DPP10: variants seen among roughly 807,000 people sequenced by gnomAD.
The protein encoded by DPP10 is dipeptidyl peptidase like 10, also known as inactive dipeptidyl peptidase 10.
DPP10 carries 33 observed loss-of-function variants against 120.9 expected under a neutral mutation model. That is an observed-to-expected ratio of 0.27 (90% CI 0.21 to 0.37). The LOEUF is 0.37. DPP10 is among the 10% of genes least tolerant of loss of function. DPP10 has a pLI of 1.00. For missense variants in DPP10, 816 were observed against 942.8 expected (o/e 0.87, Z 1.76); for synonymous variants, 337 against 326.1 (o/e 1.03, Z -0.36).
intron 5 of DPP10, among the ~76,000 whole-genome samples, chr2:115,643,369 C>T (rs1366512716): frequency 2.0e-5 from 3 of 152,080 alleles, no homozygotes; most frequent in Admixed American, 2.0e-4. Context: ...TTACAGTTAA[C>T]AGGATTGCTA....
rs147657344 is a variant in DPP10, at chr2:115,808,515, C to T, written c.1701-6278C>T. ...TATACCAAGGACCAGGCACTTTACGCAGCTACATATAGAATCTCATTTAAT... is the reference window on the plus strand; with the variant it reads ...TATACCAAGGACCAGGCACTTTACGTAGCTACATATAGAATCTCATTTAAT... On this transcript the variant is annotated intron_variant, in intron 19 of 25. Coordinates refer to ENST00000410059, the MANE Select transcript of DPP10 (RefSeq NM_020868.6). Among the ~76,000 whole-genome samples the T allele has an allele frequency of 4.8e-3, 733 of 152,240 alleles. 8 individuals are homozygous for T. The highest frequency in any genetic ancestry group is 0.016 in the African/African-American group (649 of 41,544).
At chr2:115,285,033 C>G (rs768759309) in intron 1 of DPP10, among the ~76,000 whole-genome samples, 10 of 151,998 alleles carry the variant, frequency 6.6e-5, no homozygotes, top group Non-Finnish European at 1.2e-4. Context: ...ATGTCCAGCT[C>G]TTTGTTAAGG....
At chr2:115,056,987 TC>T (rs1559042499) in intron 1 of DPP10, among the ~76,000 whole-genome samples, 1 of 152,220 alleles carries the variant, frequency 6.6e-6, no homozygotes, top group Non-Finnish European at 1.5e-5. Flanking sequence ...CGCTTCACTT[TC>T]AAGGTTCCTT....
intron 1 of DPP10, among the ~76,000 whole-genome samples, chr2:115,194,484 A>G (rs1453171822): frequency 1.3e-5 from 2 of 152,156 alleles, no homozygotes; most frequent in Admixed American, 1.3e-4. Context: ...CTTTTGGGTA[A>G]GTATTTCTAA....
intron 1 of DPP10, among the ~76,000 whole-genome samples, chr2:114,704,925 A>G (rs892134826): frequency 1.3e-5 from 2 of 152,152 alleles, no homozygotes; most frequent in African/African-American, 4.8e-5. Flanking sequence ...GTGCACATCT[A>G]TAGGAAAGAC....
intron 1 of DPP10, among the ~76,000 whole-genome samples, chr2:114,785,948 C>G (rs1682730348): frequency 6.6e-6 from 1 of 152,100 alleles, no homozygotes; most frequent in Non-Finnish European, 1.5e-5. Context: ...TTCCTGACCT[C>G]CAGACCAAGA....
At chr2:114,834,317 C>A (rs945238119) in intron 1 of DPP10, among the ~76,000 whole-genome samples, 2 of 149,660 alleles carry the variant, frequency 1.3e-5, no homozygotes, top group Non-Finnish European at 3.0e-5. Flanking sequence ...TATATATAAG[C>A]CATGTCTACA....
At chr2:115,106,268 CAG>C (rs2048940470) in intron 1 of DPP10, among the ~76,000 whole-genome samples, 1 of 152,158 alleles carries the variant, frequency 6.6e-6, no homozygotes, top group African/African-American at 2.4e-5. Context: ...GAGGTAGTAA[CAG>C]AATATTTTTC....
intron 1 of DPP10, among the ~76,000 whole-genome samples, chr2:115,077,782 C>G (rs1194271706): frequency 6.6e-6 from 1 of 152,224 alleles, no homozygotes; most frequent in Non-Finnish European, 1.5e-5. Flanking sequence ...CTTGTTTACT[C>G]TAACATCTCA....
At chr2:115,725,770 C>G (rs1051856867) in intron 7 of DPP10, among the ~76,000 whole-genome samples, 1 of 152,206 alleles carries the variant, frequency 6.6e-6, no homozygotes, top group South Asian at 2.1e-4. Context: ...CTCACAAGTC[C>G]CACTAGAAGT....
intron 1 of DPP10, among the ~76,000 whole-genome samples, chr2:115,194,890 C>T (rs1446503403): frequency 6.6e-6 from 1 of 152,116 alleles, no homozygotes; most frequent in Non-Finnish European, 1.5e-5. Context: ...CACAGAATCT[C>T]GGGTCCCCTT....
At chr2:114,751,301 T>C (rs1296147733) in intron 1 of DPP10, among the ~76,000 whole-genome samples, 1 of 152,210 alleles carries the variant, frequency 6.6e-6, no homozygotes. Flanking sequence ...TATATACAAG[T>C]GCTTTTGCTA....
At chr2:115,788,991 G>A (rs907835565) in intron 17 of DPP10, among the ~76,000 whole-genome samples, 16 of 152,096 alleles carry the variant, frequency 1.1e-4, no homozygotes, top group Middle Eastern at 3.4e-3. Context: ...GGTGGCGGGC[G>A]CCTGTAGTCC....
At chr2:115,749,026 T>C (rs1678370630) in intron 10 of DPP10, among the ~76,000 whole-genome samples, 2 of 152,164 alleles carry the variant, frequency 1.3e-5, no homozygotes, top group Admixed American at 1.3e-4. Context: ...GAAAAGAATG[T>C]AGCATGGTAG....
intron 1 of DPP10, among the ~76,000 whole-genome samples, chr2:114,822,412 T>A (rs1686173378): frequency 2.0e-5 from 3 of 152,036 alleles, no homozygotes; most frequent in Admixed American, 2.0e-4. Context: ...GACCATTTTT[T>A]CCTCTTAGCC....
At chr2:115,471,225 A>G (rs565425786) in intron 3 of DPP10, among the ~76,000 whole-genome samples, 69 of 152,294 alleles carry the variant, frequency 4.5e-4, no homozygotes, top group Non-Finnish European at 8.4e-4. Flanking sequence ...ATAATTCACT[A>G]CCTACTCAAA....
intron 11 of DPP10, among the ~76,000 whole-genome samples, chr2:115,756,895 C>CA (rs1679477741): frequency 6.6e-6 from 1 of 152,026 alleles, no homozygotes; most frequent in South Asian, 2.1e-4. Context: ...GAGAGAGAAA[C>CA]AAAAGGAGGC....
chr2:115,255,192 A>T (rs2058930010), intron 1 of DPP10, among the ~76,000 whole-genome samples: 1 of 152,124 alleles, frequency 6.6e-6, no homozygotes, highest in African/African-American at 2.4e-5. Flanking sequence ...TCAACTTTTG[A>T]CTTCTGTGCA....
intron 7 of DPP10, among the ~76,000 whole-genome samples, chr2:115,695,077 T>G (rs1263693621): frequency 6.6e-6 from 1 of 152,154 alleles, no homozygotes. Flanking sequence ...CAGTGCCCTT[T>G]CCTACTCTTC....
Sources: allele counts gnomAD v4.1 joint callset (sites outside exome capture counted in the v4.1 genomes callset), GRCh38; gene constraint gnomAD v4.1.1; transcripts MANE v1.5; gene names NCBI Gene and HGNC (gene_info 2026-07-23, HGNC 2026-07-21).